The following SLC38A1 variants were observed in gnomAD, a reference collection of about 807,000 sequenced individuals.
SLC38A1 encodes the protein solute carrier family 38 member 1, also known as sodium-coupled neutral amino acid symporter 1.
Under a neutral mutation model 60.3 loss-of-function variants are expected in SLC38A1, and 18 were observed. The observed-to-expected ratio is 0.30, with a 90% confidence interval of 0.21 to 0.44. SLC38A1 has a LOEUF of 0.44. Among genes scored for constraint, SLC38A1 ranks in the 20% least tolerant of loss-of-function variants. SLC38A1 has a pLI of 1.00. For synonymous variants in SLC38A1, 196 were observed against 212.1 expected (o/e 0.92, Z 0.66); for missense variants, 448 against 587.2 (o/e 0.76, Z 2.45).
intron 5 of SLC38A1, among the ~76,000 whole-genome samples, chr12:46,214,713 C>T (rs1387812711): frequency 6.6e-6 from 1 of 152,166 alleles, no homozygotes; most frequent in Non-Finnish European, 1.5e-5. Context: ...CAAAAACCAA[C>T]CTCAGGACAC....
intron 3 of SLC38A1, 41 bp from the exon 4 acceptor site, chr12:46,229,680 A>G: frequency 6.6e-7 from 1 of 1,521,660 alleles, no homozygotes; most frequent in Admixed American, 1.7e-5. Flanking sequence ...TATGATAATG[A>G]TTTGAAGCTT....
chr12:46,189,829 G>A (rs917846465), intron 16 of SLC38A1, among the ~76,000 whole-genome samples: 4 of 152,126 alleles, frequency 2.6e-5, no homozygotes, highest in South Asian at 4.1e-4. Flanking sequence ...CATGTAAGAC[G>A]TGACTTTGCT....
In SLC38A1 at chr12:46,188,860, G is replaced by T. The variant is rs990889437; in HGVS notation, c.*110C>A. The stretch of plus-strand genomic sequence containing the variant: ...AAAGTTATTCCATTTTAAGTATCCT[G>T]TACATTTCTGTTTGCTTCTGTAAAC... On this transcript the variant is annotated 3_prime_UTR_variant, in exon 17 of 17. Transcript: ENST00000398637. 2 of 886,490 alleles carry T rather than the reference G, an allele frequency of 2.3e-6. No homozygotes were observed. The highest frequency in any genetic ancestry group is 3.6e-6 in the Non-Finnish European group (2 of 548,822). The allele number at this position is 886,490 out of a possible 1,614,324, so 54.9% of individuals were successfully genotyped here.
Position 46,201,108 on chromosome 12 carries a change from C to G in SLC38A1, c.993G>C (p.Leu331Phe), listed in dbSNP as rs373033775. The G allele has an allele frequency of 3.7e-6, 6 of 1,606,588 alleles. No individual in the cohort carries two copies. Among genetic ancestry groups the G allele is most frequent in the Non-Finnish European group, 5.1e-6 (6 of 1,174,118 alleles). The stretch of plus-strand genomic sequence containing the variant: ...GTAGAAATTACTTACCATAGAATGT[C>G]AAGTAGCCAAAAATGGCAGTCAAGA... ...MYFLTAIFGY[L>F]TFYDNVQSDL... Residue 331 changes from leucine (L) to phenylalanine (F), a missense_variant, in exon 13 of 17, where the codon TTG becomes TTC. By Grantham distance (22) the Leu-to-Phe change is conservative (BLOSUM62 0). Coordinates refer to ENST00000398637, the MANE Select transcript of SLC38A1 (RefSeq NM_030674.4).
At chr12:46,235,952 T>C (rs1941244608) in intron 3 of SLC38A1, among the ~76,000 whole-genome samples, 1 of 152,170 alleles carries the variant, frequency 6.6e-6, no homozygotes, top group South Asian at 2.1e-4. Flanking sequence ...AAGGTGGCAA[T>C]AACCAGCAAT....
At chr12:46,203,460 C>G (rs1177607547) in intron 11 of SLC38A1, among the ~76,000 whole-genome samples, 1 of 152,196 alleles carries the variant, frequency 6.6e-6, no homozygotes, top group Non-Finnish European at 1.5e-5. Flanking sequence ...GTTCTCCTGG[C>G]TCCCTCCAAC....
At chr12:46,235,552 C>T (rs1270098004) in intron 3 of SLC38A1, among the ~76,000 whole-genome samples, 1 of 152,098 alleles carries the variant, frequency 6.6e-6, no homozygotes, top group East Asian at 1.9e-4. Context: ...GAAAAAAAGA[C>T]TTTAATTGTA....
rs1279265016 is a variant in SLC38A1, at chr12:46,197,749, C to A, written c.1333G>T (p.Asp445Tyr). 4.4e-6 allele frequency: 7 copies of A among 1,602,390 alleles called. No homozygotes were observed. The highest frequency in any genetic ancestry group is 1.1e-5 in the South Asian group (1 of 87,956). The change falls in exon 16 of 17, where the codon GAT becomes TAT. Residue 445 changes from aspartate to tyrosine, a missense_variant. Physicochemically the swap from Asp to Tyr is radical, Grantham distance 160. This residue lies in a region of SLC38A1 where 346 missense variants were observed against 497.5 expected (regional missense o/e 0.70). Transcript: ENST00000398637. ...SSLYLKITDQ[D>Y]GDKGTQRIWA... ...ATTCTTTGAGTTCCTTTATCTCCAT[C>A]CTGGTCTGTGATTTTTAAATAAAGA...
chr12:46,261,048 A>C (rs1018307572), intron 1 of SLC38A1, among the ~76,000 whole-genome samples: 36 of 152,120 alleles, frequency 2.4e-4, no homozygotes, highest in Non-Finnish European at 1.0e-4. Flanking sequence ...CATTCCTGCA[A>C]TGGGTCTACT....
At chr12:46,261,082 C>T (rs1191348211) in intron 1 of SLC38A1, among the ~76,000 whole-genome samples, 1 of 152,172 alleles carries the variant, frequency 6.6e-6, no homozygotes, top group Non-Finnish European at 1.5e-5. Flanking sequence ...CTGCTTTGTT[C>T]ACACCATCCC....
chr12:46,214,603 G>GTATT (rs1940320562), intron 5 of SLC38A1, among the ~76,000 whole-genome samples: 1 of 152,138 alleles, frequency 6.6e-6, no homozygotes, highest in African/African-American at 2.4e-5. Context: ...TTTCACAACT[G>GTATT]TATTTGGGTA....
At chr12:46,213,632 C>A (rs1940277383) in intron 5 of SLC38A1, among the ~76,000 whole-genome samples, 1 of 152,206 alleles carries the variant, frequency 6.6e-6, no homozygotes, top group South Asian at 2.1e-4. Flanking sequence ...TCATTTCTAT[C>A]TCCAAAATTT....
chr12:46,217,316 A>G (rs1380223640), intron 5 of SLC38A1, among the ~76,000 whole-genome samples: 1 of 152,226 alleles, frequency 6.6e-6, no homozygotes, highest in Non-Finnish European at 1.5e-5. Context: ...ATCAAAGTCA[A>G]ACATCCAGAG....
intron 5 of SLC38A1, among the ~76,000 whole-genome samples, chr12:46,224,419 T>C (rs565576272): frequency 1.3e-5 from 2 of 152,286 alleles, no homozygotes; most frequent in African/African-American, 2.4e-5. Flanking sequence ...ACAGCCATTA[T>C]GGATAGGTTA....
intron 2 of SLC38A1, among the ~76,000 whole-genome samples, chr12:46,240,925 G>A (rs1462317410): frequency 6.6e-6 from 1 of 152,140 alleles, no homozygotes; most frequent in African/African-American, 2.4e-5. Context: ...TAAGTAGGGA[G>A]GGAGAAAAAG....
chr12:46,226,709 G>A (rs546638970), intron 5 of SLC38A1, among the ~76,000 whole-genome samples: 46 of 147,842 alleles, frequency 3.1e-4, no homozygotes, highest in African/African-American at 1.0e-3. Context: ...TCTGCCTCCC[G>A]GGTTCAATCG....
intron 2 of SLC38A1, among the ~76,000 whole-genome samples, chr12:46,242,271 A>G (rs973403168): frequency 6.6e-6 from 1 of 152,220 alleles, no homozygotes; most frequent in Non-Finnish European, 1.5e-5. Flanking sequence ...TGGAAATTGA[A>G]GAGAAAAATT....
rs1482648903 is a variant in SLC38A1, at chr12:46,188,123, G to C, written c.*847C>G. ...GAGGAGTATTTTCTTAGGCATTTTG[G>C]ACAATCTTTTTGCAGTAGGTTCCAT... On this transcript the variant is annotated 3_prime_UTR_variant, in exon 17 of 17. Coordinates refer to ENST00000398637, the MANE Select transcript of SLC38A1 (RefSeq NM_030674.4). 1 of 152,130 alleles carries C rather than the reference G, an allele frequency of 6.6e-6. No individual in the cohort carries two copies. The highest frequency in any genetic ancestry group is 1.5e-5 in the Non-Finnish European group (1 of 68,032). 9.4% of individuals were successfully genotyped at this position (152,130 alleles called of 1,614,324 possible). A position where few individuals can be genotyped will look rare whatever the true frequency, so the allele number is the denominator to read the frequency against.
rs970204520 is a variant in SLC38A1, at chr12:46,184,454, G to C, written c.*4516C>G. 1 of 152,060 alleles carries C rather than the reference G, an allele frequency of 6.6e-6. No individual in the cohort carries two copies. The highest frequency in any genetic ancestry group is 1.5e-5 in the Non-Finnish European group (1 of 68,018). The allele number at this position is 152,060 out of a possible 1,614,324, so 9.4% of individuals were successfully genotyped here. ...TTCTTAAAGTTTACACCCCCTATAA[G>C]CCTAAAGCCATTTAAATTGATAAAC... On this transcript the variant is annotated 3_prime_UTR_variant, in exon 17 of 17. Coordinates refer to ENST00000398637, the MANE Select transcript of SLC38A1 (RefSeq NM_030674.4).
Sources: gnomAD v4.1 joint callset for allele counts (sites outside exome capture counted in the v4.1 genomes callset) on GRCh38, gnomAD v4.1.1 for gene constraint, gnomAD v4.1.1 regional missense constraint, MANE v1.5 for transcripts, NCBI Gene and HGNC (gene_info 2026-07-23, HGNC 2026-07-21) for gene names.